Variants in CTNNBL1 observed in about 807,000 individuals in gnomAD.
CTNNBL1 encodes catenin beta like 1, also known as beta-catenin-like protein 1.
CTNNBL1 carries 31 observed loss-of-function variants against 72.7 expected under a neutral mutation model. That is an observed-to-expected ratio of 0.43 (90% CI 0.32 to 0.58). CTNNBL1 has a LOEUF of 0.58. Among genes scored for constraint, CTNNBL1 ranks in the 20% least tolerant of loss-of-function variants. The pLI is 0.08. For missense variants in CTNNBL1, 534 were observed against 725.1 expected (o/e 0.74, Z 3.03); for synonymous variants, 240 against 267.3 (o/e 0.90, Z 1.00).
intron 10 of CTNNBL1, among the ~76,000 whole-genome samples, chr20:37,781,688 A>G (rs1226351259): frequency 6.6e-6 from 1 of 152,214 alleles, no homozygotes; most frequent in Non-Finnish European, 1.5e-5. Context: ...TCCATACTAT[A>G]GTCACCCTTT....
intron 15 of CTNNBL1, among the ~76,000 whole-genome samples, chr20:37,868,452 T>C (rs2072555563): frequency 6.6e-6 from 1 of 152,176 alleles, no homozygotes; most frequent in Non-Finnish European, 1.5e-5. Context: ...AAAGGTTACA[T>C]GTGAGACAAC....
chr20:37,820,606 G>A (rs900699892), intron 11 of CTNNBL1, among the ~76,000 whole-genome samples: 5 of 152,096 alleles, frequency 3.3e-5, no homozygotes, highest in African/African-American at 1.2e-4. Context: ...ATCTCTTCTC[G>A]TGATAATGAG....
At chr20:37,805,501 A>C (rs1169546363) in intron 11 of CTNNBL1, among the ~76,000 whole-genome samples, 1 of 144,274 alleles carries the variant, frequency 6.9e-6, no homozygotes, top group Non-Finnish European at 1.5e-5. Context: ...GGTTCAACCG[A>C]TTCTCCTGCC....
At chr20:37,694,258 C>CT in intron 1 of CTNNBL1, 106 bp downstream of exon 1, 2 of 1,035,712 alleles carry the variant, frequency 1.9e-6, no homozygotes, top group Non-Finnish European at 1.3e-6. Flanking sequence ...CCCGGGCCCT[C>CT]TAACTTCTCA....
chr20:37,822,223 G>A (rs983455087), intron 11 of CTNNBL1, among the ~76,000 whole-genome samples: 3 of 152,196 alleles, frequency 2.0e-5, no homozygotes, highest in African/African-American at 7.2e-5. Context: ...AAGAATTCCT[G>A]TGGCCGTGGT....
chr20:37,710,326 A>G (rs2072926199), intron 1 of CTNNBL1, among the ~76,000 whole-genome samples: 1 of 151,944 alleles, frequency 6.6e-6, no homozygotes, highest in African/African-American at 2.4e-5. Context: ...CCTTAGTGTT[A>G]TTGTTTGTTT....
chr20:37,716,106 T>C (rs1386728061), intron 1 of CTNNBL1, among the ~76,000 whole-genome samples: 1 of 152,224 alleles, frequency 6.6e-6, no homozygotes, highest in Admixed American at 6.5e-5. Flanking sequence ...AATTATTTTA[T>C]TCTACTGTTT....
intron 7 of CTNNBL1, among the ~76,000 whole-genome samples, chr20:37,773,911 T>C (rs909889262): frequency 2.1e-4 from 28 of 133,786 alleles, no homozygotes; most frequent in East Asian, 1.6e-3. Flanking sequence ...CTTTCTCTCT[T>C]TTTTTTTTTT....
intron 7 of CTNNBL1, among the ~76,000 whole-genome samples, chr20:37,776,848 T>G (rs960890252): frequency 6.6e-6 from 1 of 152,190 alleles, no homozygotes; most frequent in African/African-American, 2.4e-5. Flanking sequence ...GATTTCAAAT[T>G]AAATTTTAAG....
At chr20:37,743,989 A>C (rs1251355010) in intron 3 of CTNNBL1, among the ~76,000 whole-genome samples, 2 of 151,730 alleles carry the variant, frequency 1.3e-5, no homozygotes, top group African/African-American at 2.4e-5. Context: ...GGAAAAAAAA[A>C]CCTTTATGTC....
intron 14 of CTNNBL1, 45 bp from the exon 15 acceptor site, chr20:37,860,227 A>G (rs778864542): frequency 4.5e-5 from 70 of 1,562,044 alleles, no homozygotes; most frequent in Middle Eastern, 1.7e-4. Context: ...GTGTGTCAGG[A>G]CAAATGGTTG....
chr20:37,819,431 G>A (rs138186813), intron 11 of CTNNBL1, among the ~76,000 whole-genome samples: 1,790 of 152,208 alleles, frequency 0.012, 19 homozygotes, highest in Non-Finnish European at 0.017. Flanking sequence ...TTACTTACCT[G>A]CCTCATTATG....
Position 37,872,049 on chromosome 20 carries a change from G to C in CTNNBL1, c.*36G>C. The C allele has an allele frequency of 6.5e-7, 1 of 1,533,180 alleles. No individual in the cohort carries two copies. Among genetic ancestry groups the C allele is most frequent in the Non-Finnish European group, 9.0e-7 (1 of 1,106,388 alleles). 95.0% of individuals were successfully genotyped at this position (1,533,180 alleles called of 1,614,324 possible). The stretch of plus-strand genomic sequence containing the variant: ...GCCCTGCGCATCATGGACTCTCTCA[G>C]CTTCCCTCCCAGGATCAGTTTCTAC... On this transcript the variant is annotated 3_prime_UTR_variant, in exon 16 of 16. Transcript: ENST00000361383.
intron 13 of CTNNBL1, among the ~76,000 whole-genome samples, chr20:37,854,846 C>T (rs181461595): frequency 6.6e-6 from 1 of 152,070 alleles, no homozygotes; most frequent in East Asian, 1.9e-4. Flanking sequence ...ACCTCAGCCT[C>T]CCAAAGTGCT....
At chr20:37,825,413 G>T (rs2072150868) in intron 11 of CTNNBL1, among the ~76,000 whole-genome samples, 1 of 152,054 alleles carries the variant, frequency 6.6e-6, no homozygotes, top group African/African-American at 2.4e-5. Flanking sequence ...GACGGCTCAC[G>T]CCTGTAATCC....
intron 6 of CTNNBL1, among the ~76,000 whole-genome samples, chr20:37,766,446 G>T (rs1282617618): frequency 1.3e-5 from 2 of 152,148 alleles, no homozygotes; most frequent in Non-Finnish European, 2.9e-5. Context: ...AAGTAGGCAT[G>T]GTTCTGCTCC....
Position 37,694,044 on chromosome 20 carries a change from T to G in CTNNBL1, c.-79T>G. The G allele has an allele frequency of 6.6e-7, 1 of 1,511,888 alleles. No homozygotes were observed. Among genetic ancestry groups the G allele is most frequent in the Non-Finnish European group, 9.0e-7 (1 of 1,105,668 alleles). 93.7% of individuals were successfully genotyped at this position (1,511,888 alleles called of 1,614,324 possible). A position where few individuals can be genotyped will look rare whatever the true frequency, so the allele number is the denominator to read the frequency against. ...CTCCGCTCGCCGCACTTTACGGCAG[T>G]GTGGCTGGAGCCGCGGCTGACGGGC... On this transcript the variant is annotated 5_prime_UTR_variant, in exon 1 of 16. Transcript: ENST00000361383.
chr20:37,793,473 G>C (rs928761383), intron 10 of CTNNBL1, among the ~76,000 whole-genome samples: 1 of 152,108 alleles, frequency 6.6e-6, no homozygotes, highest in Non-Finnish European at 1.5e-5. Context: ...CTAACGCATG[G>C]TATCTTTTAC....
chr20:37,725,713 G>C (rs930833712), intron 1 of CTNNBL1, among the ~76,000 whole-genome samples: 1 of 151,706 alleles, frequency 6.6e-6, no homozygotes, highest in African/African-American at 2.4e-5. Context: ...GCTGGGCGCA[G>C]TGGCTCATGC....
Sources: allele counts gnomAD v4.1 joint callset (sites outside exome capture counted in the v4.1 genomes callset), GRCh38; gene constraint gnomAD v4.1.1; transcripts MANE v1.5; gene names NCBI Gene and HGNC (gene_info 2026-07-23, HGNC 2026-07-21).